Variants in PABPC4L observed in about 807,000 individuals in gnomAD.
PABPC4L encodes polyadenylate-binding protein 4-like.
For synonymous variants in PABPC4L, 169 were observed against 164.1 expected, an observed-to-expected ratio of 1.03 and a Z score of -0.23; for missense variants, 452 against 451.4, an observed-to-expected ratio of 1.00 and a Z score of -0.01.
chr4:134,081,689 A>G, the PABPC4L span, among the ~76,000 whole-genome samples: 3 of 152,202 alleles, frequency 2.0e-5, no homozygotes, highest in Admixed American at 1.3e-4. Context: ...TAAAATCACA[A>G]TGCTGTTCTA....
chr4:134,143,909 T>A, the PABPC4L span, among the ~76,000 whole-genome samples: 1 of 151,642 alleles, frequency 6.6e-6, no homozygotes, highest in South Asian at 2.1e-4. Context: ...CTTTTATTAT[T>A]TATACATTTC....
the PABPC4L span, among the ~76,000 whole-genome samples, chr4:134,136,928 C>T: frequency 6.6e-6 from 1 of 151,982 alleles, no homozygotes; most frequent in South Asian, 2.1e-4. Flanking sequence ...CTAAGTATCC[C>T]TTAGAACGGA....
At chr4:133,977,688 C>A in the PABPC4L span, among the ~76,000 whole-genome samples, 1 of 152,096 alleles carries the variant, frequency 6.6e-6, no homozygotes, top group Non-Finnish European at 1.5e-5. Context: ...TTTACATAAT[C>A]TTGATGGATT....
chr4:134,145,033 C>T, the PABPC4L span, among the ~76,000 whole-genome samples: 2 of 151,688 alleles, frequency 1.3e-5, no homozygotes, highest in Admixed American at 6.6e-5. Context: ...TTCTATAGTA[C>T]GTTCAAGTGT....
chr4:134,136,526 TAAC>T, the PABPC4L span, among the ~76,000 whole-genome samples: 1 of 152,092 alleles, frequency 6.6e-6, no homozygotes, highest in Non-Finnish European at 1.5e-5. Flanking sequence ...TTAGAGTTTT[TAAC>T]AATTTAACTT....
At chr4:134,076,002 A>G in the PABPC4L span, among the ~76,000 whole-genome samples, 2 of 152,040 alleles carry the variant, frequency 1.3e-5, no homozygotes, top group African/African-American at 4.8e-5. Context: ...ATCATTTCTT[A>G]TAATAGGAAC....
the PABPC4L span, among the ~76,000 whole-genome samples, chr4:134,089,470 A>G: frequency 6.6e-6 from 1 of 152,102 alleles, no homozygotes; most frequent in Admixed American, 6.6e-5. Context: ...GTTTAGACAA[A>G]TAATGACACT....
the PABPC4L span, among the ~76,000 whole-genome samples, chr4:133,951,666 T>C: frequency 6.6e-6 from 1 of 152,116 alleles, no homozygotes; most frequent in African/African-American, 2.4e-5. Context: ...GAAACATTTT[T>C]TCTAAAGATG....
chr4:134,054,290 A>G, the PABPC4L span, among the ~76,000 whole-genome samples: 5 of 112,790 alleles, frequency 4.4e-5, no homozygotes, highest in East Asian at 2.8e-4. Flanking sequence ...ATATATATAT[A>G]GTTATGCTAG....
At chr4:134,183,666 T>C in the PABPC4L span, among the ~76,000 whole-genome samples, 1 of 151,920 alleles carries the variant, frequency 6.6e-6, no homozygotes, top group East Asian at 1.9e-4. Flanking sequence ...TGTTTCCATA[T>C]ATTTGTTAAA....
the PABPC4L span, among the ~76,000 whole-genome samples, chr4:134,003,516 A>G: frequency 2.0e-5 from 3 of 152,042 alleles, no homozygotes; most frequent in South Asian, 6.2e-4. Flanking sequence ...GTAAATATTT[A>G]TGGAATAAAT....
the PABPC4L span, among the ~76,000 whole-genome samples, chr4:133,957,599 G>T: frequency 1.3e-5 from 2 of 152,186 alleles, no homozygotes; most frequent in African/African-American, 2.4e-5. Context: ...GAGACTCTGT[G>T]TGGGGGCTCC....
At chr4:134,055,294 T>C in the PABPC4L span, among the ~76,000 whole-genome samples, 1 of 151,760 alleles carries the variant, frequency 6.6e-6, no homozygotes, top group Non-Finnish European at 1.5e-5. Flanking sequence ...GAAATAAAGG[T>C]TAAGTGAGGT....
the PABPC4L span, among the ~76,000 whole-genome samples, chr4:134,074,649 G>A: frequency 1.4e-4 from 22 of 152,102 alleles, no homozygotes; most frequent in African/African-American, 5.1e-4. Flanking sequence ...ACCCAACACT[G>A]GGTAATTTAT....
the PABPC4L span, among the ~76,000 whole-genome samples, chr4:134,080,141 C>T: frequency 6.6e-6 from 1 of 151,952 alleles, no homozygotes; most frequent in Admixed American, 6.6e-5. Flanking sequence ...TATTTCAGAA[C>T]ATTTGGAAAA....
chr4:133,988,934 G>A, the PABPC4L span, among the ~76,000 whole-genome samples: 3 of 152,136 alleles, frequency 2.0e-5, no homozygotes, highest in South Asian at 2.1e-4. Flanking sequence ...GCAACTGCAG[G>A]ACAAACACCA....
the PABPC4L span, among the ~76,000 whole-genome samples, chr4:134,133,024 TATATA>T: frequency 0.45 from 60,670 of 136,230 alleles, 15,902 homozygotes; most frequent in East Asian, 0.98. Flanking sequence ...GTATATACTA[TATATA>T]ATATATTTCA....
the PABPC4L span, among the ~76,000 whole-genome samples, chr4:134,064,658 G>T: frequency 6.6e-6 from 1 of 152,058 alleles, no homozygotes; most frequent in East Asian, 1.9e-4. Flanking sequence ...TAGGTAAAGT[G>T]CATGTCACAG....
the PABPC4L span, among the ~76,000 whole-genome samples, chr4:133,971,068 G>T: frequency 1.9e-4 from 28 of 149,914 alleles, no homozygotes; most frequent in African/African-American, 6.6e-4. Context: ...TGTATATCTA[G>T]GTCCTGTAGA....
Sources: allele counts gnomAD v4.1 joint callset (sites outside exome capture counted in the v4.1 genomes callset), GRCh38; gene constraint gnomAD v4.1.1; transcripts MANE v1.5; gene names NCBI Gene and HGNC (gene_info 2026-07-23, HGNC 2026-07-21).